Variants in C17orf75 observed in about 807,000 individuals in gnomAD.
C17orf75 encodes protein Njmu-R1.
C17orf75 carries 32 observed loss-of-function variants against 49.6 expected under a neutral mutation model. That is an observed-to-expected ratio of 0.65 (90% CI 0.49 to 0.87). The LOEUF (loss-of-function observed/expected upper bound fraction) is 0.87. Among genes scored for constraint, C17orf75 ranks in the 40% least tolerant of loss-of-function variants. The pLI is 0.00. For synonymous variants in C17orf75, 158 were observed against 159.5 expected, an observed-to-expected ratio of 0.99 and a Z score of 0.07; for missense variants, 428 against 473.9, an observed-to-expected ratio of 0.90 and a Z score of 0.90.
intron 6 of C17orf75, 23 bp downstream of exon 6, chr17:32,335,300 T>A (rs767647476): frequency 3.3e-5 from 53 of 1,611,464 alleles, no homozygotes; most frequent in Non-Finnish European, 4.3e-5. Context: ...GTTAAGGAAA[T>A]GCTCTCATTT....
intron 1 of C17orf75, among the ~76,000 whole-genome samples, chr17:32,349,113 G>A (rs932880155): frequency 2.0e-5 from 3 of 151,692 alleles, no homozygotes; most frequent in Non-Finnish European, 2.9e-5. Context: ...TGATCCGCCT[G>A]CCTCGGCCTT....
In C17orf75 at chr17:32,331,959, T is replaced by C. The variant is rs2041277737; in HGVS notation, c.995A>G (p.Asn332Ser). ...TGCCTGTCGGATAAATCTCTTCAAA[T>C]TGTTTGTGTCTTGTATGGCCTAGAA... Reference protein sequence around the residue: ...FKLKAIQDTNNLKRFIRQAEM... With the variant: ...FKLKAIQDTNSLKRFIRQAEM... Residue 332 changes from asparagine (N) to serine (S), a missense_variant, in exon 10 of 10, where the codon AAT becomes AGT. By Grantham distance (46) the Asn-to-Ser change is conservative. Transcript: ENST00000577809. 1 of 1,612,448 alleles carries C rather than the reference T, an allele frequency of 6.2e-7. No individual in the cohort carries two copies. The highest frequency in any genetic ancestry group is 8.5e-7 in the Non-Finnish European group (1 of 1,179,350).
upstream of C17orf75, chr17:32,344,184 A>G (rs543444590): frequency 2.0e-4 from 100 of 495,388 alleles, no homozygotes; most frequent in African/African-American, 1.5e-3. Flanking sequence ...TTTTTTATAG[A>G]GACAGTGTAT....
Position 32,348,121 on chromosome 17 carries a change from G to T in C17orf75, c.-7+1821C>A, listed in dbSNP as rs552459251. Among the ~76,000 whole-genome samples the T allele has an allele frequency of 2.2e-4, 33 of 151,762 alleles. 1 individual carries two copies. The South Asian group carries it at 6.9e-3, about 32-fold the overall frequency. On this transcript the variant is annotated intron_variant, in intron 1 of 8. Coordinates refer to the C17orf75 transcript ENST00000583774. ...CAGCCTCCGCCTCCCGGGTTCAAGC[G>T]ATTCTCCTGCCTCAGCCTCCGGAGT...
intron 1 of C17orf75, among the ~76,000 whole-genome samples, chr17:32,349,690 G>T (rs1239414550): frequency 6.6e-6 from 1 of 152,176 alleles, no homozygotes; most frequent in Non-Finnish European, 1.5e-5. Flanking sequence ...ACAGCACTTC[G>T]CATTTCCCTC....
chr17:32,342,156 C>G lies in C17orf75; in HGVS notation c.-17G>C. 1 of 1,579,548 alleles carries G rather than the reference C, an allele frequency of 6.3e-7. No individual in the cohort carries two copies. ...GGGGAGCATTGCGGCGGCCTCTGAGCGGCCCTGTGTCTCCGCCAAACCGCT... is the reference window on the plus strand; with the variant it reads ...GGGGAGCATTGCGGCGGCCTCTGAGGGGCCCTGTGTCTCCGCCAAACCGCT... On this transcript the variant is annotated 5_prime_UTR_variant, in exon 1 of 10. Coordinates refer to ENST00000577809, the MANE Select transcript of C17orf75 (RefSeq NM_022344.4).
intron 3 of C17orf75, 28 bp from the exon 4 acceptor site, chr17:32,338,379 A>G: frequency 1.9e-6 from 3 of 1,595,460 alleles, no homozygotes; most frequent in Non-Finnish European, 2.6e-6. Flanking sequence ...TGTAAAATGC[A>G]TTATTTTGGT....
upstream of C17orf75, among the ~76,000 whole-genome samples, chr17:32,344,597 A>G (rs1418078398): frequency 2.7e-5 from 4 of 150,188 alleles, no homozygotes; most frequent in Non-Finnish European, 4.4e-5. Flanking sequence ...TCTCAAAAAA[A>G]AAAAAAAAAA....
upstream of C17orf75, among the ~76,000 whole-genome samples, chr17:32,343,210 A>G (rs952464440): frequency 6.6e-6 from 1 of 152,158 alleles, no homozygotes; most frequent in Non-Finnish European, 1.5e-5. Flanking sequence ...TGTCCCCACC[A>G]GCACCTCCAT....
Position 32,338,205 on chromosome 17 carries a change from TATAGCTCAAG to T in C17orf75, c.484_491+2del, listed in dbSNP as rs1220283572. The T allele has an allele frequency of 6.2e-7, 1 of 1,609,952 alleles. No homozygotes were observed. Among genetic ancestry groups the T allele is most frequent in the African/African-American group, 1.3e-5 (1 of 74,660 alleles). ...ATGTTCTCAAAAACCAAAGAAAGGATATAGCTCAAGTCCTTTTTCAGACCCTCCTAAAAAA... is the reference window on the plus strand; with the variant it reads ...ATGTTCTCAAAAACCAAAGAAAGGATTCCTTTTTCAGACCCTCCTAAAAAA... On this transcript the variant is annotated splice_donor_variant and coding_sequence_variant, in exon 4 of 10. Transcript: ENST00000577809. LOFTEE classifies it high-confidence loss of function.
chr17:32,347,407 T>C, intron 1 of C17orf75, among the ~76,000 whole-genome samples: 1 of 151,580 alleles, frequency 6.6e-6, no homozygotes, highest in East Asian at 1.9e-4. Context: ...GCCTCCAGAG[T>C]AGCTGGGATT....
At chr17:32,339,024 G>A (rs1245288928) in intron 3 of C17orf75, among the ~76,000 whole-genome samples, 1 of 152,084 alleles carries the variant, frequency 6.6e-6, no homozygotes, top group East Asian at 1.9e-4. Flanking sequence ...CAGGGAGGCG[G>A]AGGTTGCAGT....
intron 4 of C17orf75, 41 bp downstream of exon 4, chr17:32,338,167 G>A: frequency 1.3e-6 from 2 of 1,596,330 alleles, no homozygotes; most frequent in Non-Finnish European, 1.7e-6. Flanking sequence ...GCCTTCCCAT[G>A]TTTTCCTTCC....
chr17:32,344,822 A>C (rs2150780948), upstream of C17orf75, among the ~76,000 whole-genome samples: 1 of 151,740 alleles, frequency 6.6e-6, no homozygotes, highest in Non-Finnish European at 1.5e-5. Flanking sequence ...CAGAAGACTC[A>C]CTTGAACCCG....
intron 1 of C17orf75, among the ~76,000 whole-genome samples, chr17:32,349,457 T>TGCAGTCCC (rs977545195): frequency 6.6e-6 from 1 of 152,036 alleles, no homozygotes; most frequent in African/African-American, 2.4e-5. Flanking sequence ...GGCGCGGGCC[T>TGCAGTCCC]GCAGTCCCAG....
chr17:32,344,020 C>A, upstream of C17orf75: 1 of 677,980 alleles, frequency 1.5e-6, no homozygotes, highest in Non-Finnish European at 2.7e-6. Flanking sequence ...TGGCACAGAA[C>A]CAAAACTGGG....
At chr17:32,339,999 T>TCA in intron 2 of C17orf75, 61 bp from the exon 3 acceptor site, 2 of 1,591,912 alleles carry the variant, frequency 1.3e-6, no homozygotes, top group Non-Finnish European at 1.7e-6. Flanking sequence ...ACCCATTAAG[T>TCA]CAGACAGAAT....
At chr17:32,337,778 C>T (rs189555415) in intron 5 of C17orf75, 119 bp downstream of exon 5, 3 of 764,562 alleles carry the variant, frequency 3.9e-6, no homozygotes, top group African/African-American at 3.6e-5. Flanking sequence ...ATTGACCAGG[C>T]TGGTCTCTGA....
At chr17:32,345,847 G>A (rs536823667), upstream of C17orf75, among the ~76,000 whole-genome samples, 3 of 152,020 alleles carry the variant, frequency 2.0e-5, no homozygotes, top group African/African-American at 7.2e-5. Flanking sequence ...TGCCTGGTCC[G>A]AATCAACCAT....
Sources: gnomAD v4.1 joint callset for allele counts (sites outside exome capture counted in the v4.1 genomes callset) on GRCh38, gnomAD v4.1.1 for gene constraint, MANE v1.5 for transcripts, NCBI Gene and HGNC (gene_info 2026-07-23, HGNC 2026-07-21) for gene names.